The following CYFIP1 variants were observed in gnomAD, a reference collection of about 807,000 sequenced individuals.
CYFIP1 encodes the protein cytoplasmic FMR1 interacting protein 1, also known as cytoplasmic FMR1-interacting protein 1.
In CYFIP1, 58 loss-of-function variants were observed where a neutral mutation model predicts 163.5. The ratio of observed to expected loss-of-function variants is 0.35; its 90% CI spans 0.29 to 0.44. The LOEUF (loss-of-function observed/expected upper bound fraction) is 0.44. Among genes scored for constraint, CYFIP1 ranks in the 20% least tolerant of loss-of-function variants. The pLI, the probability that CYFIP1 is intolerant of heterozygous loss-of-function variation, is 1.00. For synonymous variants in CYFIP1, 663 were observed against 660.7 expected (o/e 1.00, Z -0.05); for missense variants, 1,338 against 1,653.8 (o/e 0.81, Z 3.31).
intron 11 of CYFIP1, among the ~76,000 whole-genome samples, chr15:22,928,251 C>T (rs895245682): frequency 6.6e-6 from 1 of 152,210 alleles, no homozygotes; most frequent in South Asian, 2.1e-4. Flanking sequence ...GGCATGGTGG[C>T]GGGCACCTGT....
At chr15:22,897,960 T>A (rs1047701543) in intron 22 of CYFIP1, among the ~76,000 whole-genome samples, 19 of 152,212 alleles carry the variant, frequency 1.2e-4, no homozygotes, top group Admixed American at 1.1e-3. Context: ...CCCTGCTCTC[T>A]CATATGCCAC....
intron 1 of CYFIP1, among the ~76,000 whole-genome samples, chr15:22,977,403 G>A (rs2063316053): frequency 6.6e-6 from 1 of 152,036 alleles, no homozygotes; most frequent in African/African-American, 2.4e-5. Context: ...CTATTGCACT[G>A]GCTAAAATAA....
At chr15:22,952,658 T>TAAAAAAAAAAA (rs2062294109) in intron 1 of CYFIP1, among the ~76,000 whole-genome samples, 1 of 1,846 alleles carries the variant, frequency 5.4e-4, no homozygotes, top group Non-Finnish European at 9.0e-4. Context: ...AGACTCCATC[T>TAAAAAAAAAAA]CAAAAAAAAA....
At position 22,874,447 on chromosome 15, in the gene CYFIP1, C is replaced by T. The variant is rs137980723; in HGVS notation, c.3210+103G>A. The T allele has an allele frequency of 1.0e-4, 80 of 785,060 alleles. No homozygotes were observed. In the East Asian group the frequency reaches 2.1e-3, roughly 20 times the overall value. The allele number at this position is 785,060 out of a possible 1,614,324, so 48.6% of individuals were successfully genotyped here. On this transcript the variant is annotated intron_variant, in intron 28 of 30. Coordinates refer to ENST00000617928, the MANE Select transcript of CYFIP1 (RefSeq NM_014608.6). ...CTTGAGGCCTGAGCAGCCACGCAGC[C>T]GCTGGACTTCACGATGCCTTCCAGT...
At chr15:22,942,512 A>G (rs2061922901) in intron 6 of CYFIP1, among the ~76,000 whole-genome samples, 1 of 151,020 alleles carries the variant, frequency 6.6e-6, no homozygotes, top group African/African-American at 2.5e-5. Context: ...GAGTGTCACC[A>G]AATGCCCATC....
chr15:22,909,318 C>T lies in CYFIP1; in HGVS notation c.2269-5G>A, dbSNP rs370179705. The T allele has an allele frequency of 9.3e-6, 15 of 1,613,684 alleles. No homozygotes were observed. The African/African-American group carries it at 9.4e-5, about 10-fold the overall frequency. On this transcript the variant is annotated splice_polypyrimidine_tract_variant and splice_region_variant and intron_variant, in intron 20 of 30. Coordinates refer to ENST00000617928, the MANE Select transcript of CYFIP1 (RefSeq NM_014608.6). ...GTCTATTGATCTGCCGAGGAGCTGG[C>T]GTACACAGGGAAGGATGGCAGGTAA...
At chr15:22,953,722 C>T (rs1789179777) in intron 1 of CYFIP1, among the ~76,000 whole-genome samples, 1 of 152,230 alleles carries the variant, frequency 6.6e-6, no homozygotes, top group East Asian at 1.9e-4. Context: ...GGCATACAAA[C>T]TGTTCTGCCG....
intron 13 of CYFIP1, among the ~76,000 whole-genome samples, chr15:22,920,208 A>G (rs1170668956): frequency 9.4e-6 from 1 of 105,988 alleles, no homozygotes; most frequent in East Asian, 3.0e-4. Context: ...TCTGTTGCCC[A>G]GACTGGAGTG....
rs2059152865 is a variant in CYFIP1 at position 22,867,171 on chromosome 15, A to G, written c.*2857T>C. On this transcript the variant is annotated 3_prime_UTR_variant, in exon 31 of 31. Transcript: ENST00000617928. ...ATGCTTTATTTTTTCATTGGTGATG[A>G]AAGTCTGAAATGTGCATTTGTCATC... 2 of 444,768 alleles carry G rather than the reference A, an allele frequency of 4.5e-6. No homozygotes were observed. The highest frequency in any genetic ancestry group is 6.7e-5 in the South Asian group (1 of 14,868). The allele number at this position is 444,768 out of a possible 1,614,324, so 27.6% of individuals were successfully genotyped here. A position where few individuals can be genotyped will look rare whatever the true frequency, so the allele number is the denominator to read the frequency against.
intron 26 of CYFIP1, among the ~76,000 whole-genome samples, chr15:22,879,492 A>G (rs1348102326): frequency 6.6e-6 from 1 of 152,134 alleles, no homozygotes; most frequent in Non-Finnish European, 1.5e-5. Context: ...GCAGCCATTC[A>G]GATTTAAATC....
intron 9 of CYFIP1, among the ~76,000 whole-genome samples, 160 bp from the exon 10 acceptor site, chr15:22,934,053 G>A (rs578057996): frequency 3.3e-5 from 5 of 149,666 alleles, no homozygotes; most frequent in African/African-American, 9.9e-5. Context: ...TTCTACATTC[G>A]CTTTGAGAGG....
At chr15:22,873,892 A>T (rs1419399023) in intron 28 of CYFIP1, among the ~76,000 whole-genome samples, 163 bp from the exon 29 acceptor site, 1 of 152,198 alleles carries the variant, frequency 6.6e-6, no homozygotes, top group African/African-American at 2.4e-5. Flanking sequence ...CCCAGGCTCA[A>T]GCGACCAGGT....
chr15:22,915,023 G>C, intron 16 of CYFIP1, 141 bp from the exon 17 acceptor site: 1 of 787,798 alleles, frequency 1.3e-6, no homozygotes, highest in Admixed American at 3.2e-5. Context: ...GAGTGGGGAG[G>C]GGTCACCGGG....
chr15:22,931,751 GC>G (rs1440273263), intron 11 of CYFIP1, among the ~76,000 whole-genome samples: 2 of 129,076 alleles, frequency 1.5e-5, no homozygotes, highest in Non-Finnish European at 3.1e-5. Context: ...TAGTTTCACT[GC>G]CTTGTCAATT....
chr15:22,890,938 A>G (rs914717023), intron 23 of CYFIP1, among the ~76,000 whole-genome samples: 13 of 152,288 alleles, frequency 8.5e-5, no homozygotes, highest in African/African-American at 3.1e-4. Context: ...CCTGGCCCTC[A>G]TGTGTCAGCG....
chr15:22,931,494 C>G (rs1807005839), intron 11 of CYFIP1, among the ~76,000 whole-genome samples: 1 of 152,000 alleles, frequency 6.6e-6, no homozygotes, highest in African/African-American at 2.4e-5. Context: ...CACCTCTGGC[C>G]TCAGGACTTC....
chr15:22,903,616 G>C, intron 22 of CYFIP1, 90 bp downstream of exon 22: 1 of 1,350,126 alleles, frequency 7.4e-7, no homozygotes, highest in Non-Finnish European at 1.0e-6. Context: ...AGAGCAGGGA[G>C]ACAGGGACCT....
At chr15:22,891,404 G>A (rs56374723) in intron 23 of CYFIP1, among the ~76,000 whole-genome samples, 3,066 of 152,252 alleles carry the variant, frequency 0.02, 115 homozygotes, top group African/African-American at 0.07. Context: ...CAGCCTGGGC[G>A]ACAAAGTGAG....
At chr15:22,961,188 ATGTT>A (rs1197174044) in intron 1 of CYFIP1, among the ~76,000 whole-genome samples, 2 of 151,018 alleles carry the variant, frequency 1.3e-5, no homozygotes, top group Non-Finnish European at 3.0e-5. Context: ...TGCCGGGCTA[ATGTT>A]TGTATTTTTA....
Sources: allele counts gnomAD v4.1 joint callset (sites outside exome capture counted in the v4.1 genomes callset), GRCh38; gene constraint gnomAD v4.1.1; transcripts MANE v1.5; gene names NCBI Gene and HGNC (gene_info 2026-07-23, HGNC 2026-07-21).